CDH23: variants seen among roughly 807,000 people sequenced by gnomAD.
CDH23 encodes the protein cadherin-23.
CDH23 carries 189 observed loss-of-function variants against 317.1 expected under a neutral mutation model. The ratio of observed to expected loss-of-function variants is 0.60; its 90% CI spans 0.53 to 0.67. The LOEUF is 0.67. Ranked by LOEUF, CDH23 falls within the 30% of genes least tolerant of loss-of-function variation. The pLI is 0.00. For missense variants in CDH23, 4,401 were observed against 4,592.4 expected (o/e 0.96, Z 1.20); for synonymous variants, 1,839 against 1,876.8 (o/e 0.98, Z 0.52).
chr10:71,655,908 G>T (rs1399248888), intron 14 of CDH23, among the ~76,000 whole-genome samples: 2 of 152,116 alleles, frequency 1.3e-5, no homozygotes, highest in African/African-American at 4.8e-5. Flanking sequence ...TTCACTCTCT[G>T]TGCCAGGCTC....
chr10:71,695,583 C>T (rs1383258834), intron 22 of CDH23, 58 bp downstream of exon 22: 2 of 1,226,372 alleles, frequency 1.6e-6, no homozygotes, highest in African/African-American at 2.9e-5. Flanking sequence ...GTCTGTGCCC[C>T]TCCCACTGCG....
chr10:71,734,609 C>A (rs373686996), intron 33 of CDH23, 47 bp from the exon 34 acceptor site: 2 of 1,575,808 alleles, frequency 1.3e-6, no homozygotes, highest in Non-Finnish European at 1.7e-6. Context: ...CCATTTGCAT[C>A]TTTGCCTTTT....
rs1290661882 is a variant in CDH23 at position 71,697,014 on chromosome 10, T to G, written c.2397+1489T>G. 3.9e-5 allele frequency among the ~76,000 whole-genome samples: 6 copies of G among 152,138 alleles called. No homozygotes were observed. In the East Asian group the frequency reaches 1.2e-3, roughly 29 times the overall value. ...CTTCTGGTCAACCCTCACCTTTCCC[T>G]TAGGTTTTTGGGAAATTCCTCCCAA... is the stretch of plus-strand genomic sequence containing the variant. On this transcript the variant is annotated intron_variant, in intron 22 of 69. Transcript: ENST00000224721.
chr10:71,644,815 G>A (rs1310806806), intron 12 of CDH23, among the ~76,000 whole-genome samples: 1 of 152,230 alleles, frequency 6.6e-6, no homozygotes, highest in Non-Finnish European at 1.5e-5. Flanking sequence ...CAAGGTCAGT[G>A]ACCTACTGGG....
At chr10:71,759,823 A>ACG (rs1229505884) in intron 38 of CDH23, among the ~76,000 whole-genome samples, 1 of 57,988 alleles carries the variant, frequency 1.7e-5, no homozygotes, top group African/African-American at 4.9e-5. Flanking sequence ...GAAAATATAC[A>ACG]CACACACACA....
chr10:71,451,001 C>T (rs1182717812), intron 3 of CDH23, among the ~76,000 whole-genome samples: 2 of 152,184 alleles, frequency 1.3e-5, no homozygotes, highest in Non-Finnish European at 2.9e-5. Flanking sequence ...TGACCTCCCC[C>T]AGATTCCTGC....
At chr10:71,809,707 G>A (rs2132995283) in intron 60 of CDH23, 113 bp from the exon 61 acceptor site, 1 of 1,445,856 alleles carries the variant, frequency 6.9e-7, no homozygotes, top group Non-Finnish European at 9.3e-7. Context: ...TGCCCTGTGG[G>A]CATTTGTGCC....
intron 44 of CDH23, among the ~76,000 whole-genome samples, chr10:71,787,646 C>T (rs566412350): frequency 2.0e-5 from 3 of 152,144 alleles, no homozygotes; most frequent in Non-Finnish European, 4.4e-5. Flanking sequence ...CAATATTTGA[C>T]TTTCTATTTC....
At position 71,798,489 on chromosome 10, in the gene CDH23, A is replaced by G. The variant is rs1224073597; in HGVS notation, c.6965A>G (p.Asp2322Gly). The G allele has an allele frequency of 6.2e-7, 1 of 1,613,840 alleles. No individual in the cohort carries two copies. The change falls in exon 50 of 70, where the codon GAC becomes GGC. Residue 2322 changes from aspartate (D) to glycine (G), a missense_variant. Physicochemically the swap from Asp to Gly is moderately conservative, Grantham distance 94. This residue lies in a region of CDH23 where 3,068 missense variants were observed against 3,203.3 expected (regional missense o/e 0.96). Transcript: ENST00000224721. ...GTTLIAVAAVDPDKGLNGLVT... is the reference protein window; with the variant it reads ...GTTLIAVAAVGPDKGLNGLVT... The stretch of plus-strand genomic sequence containing the variant: ...ACACTCATTGCTGTGGCAGCCGTGG[A>G]CCCTGACAAGGGCCTTAATGGGCTG...
intron 19 of CDH23, among the ~76,000 whole-genome samples, chr10:71,689,064 AGGGGTGGTGG>A (rs1865064313): frequency 7.6e-5 from 10 of 131,658 alleles, no homozygotes; most frequent in South Asian, 2.4e-4. Flanking sequence ...TGGTGGAGCC[AGGGGTGGTGG>A]AGCCAGGGGT....
chr10:71,623,173 G>A (rs559244030), intron 11 of CDH23, among the ~76,000 whole-genome samples: 2 of 152,318 alleles, frequency 1.3e-5, no homozygotes, highest in South Asian at 2.1e-4. Context: ...AACAGGGTGA[G>A]TGAGTGACAG....
In CDH23 at chr10:71,815,162, G is replaced by A. The variant is rs187297872; in HGVS notation, c.9949G>A (p.Ala3317Thr). The A allele has an allele frequency of 1.4e-5, 23 of 1,611,178 alleles. No homozygotes were observed. The highest frequency in any genetic ancestry group is 9.3e-5 in the African/African-American group (7 of 75,024). Residue 3317 changes from alanine to threonine, a missense_variant, in exon 70 of 70, where the codon GCT becomes ACT. Physicochemically the swap from Ala to Thr is moderately conservative, Grantham distance 58 (BLOSUM62 0). Coordinates refer to ENST00000224721, the MANE Select transcript of CDH23 (RefSeq NM_022124.6). ...GLGRSLETLTAAEATAFERNA... is the reference protein window; with the variant it reads ...GLGRSLETLTTAEATAFERNA... ...GGGCCGCTCGCTGGAGACGCTGACC[G>A]CTGCCGAGGCCACTGCCTTCGAGCG...
At chr10:71,645,543 G>A (rs978916852) in intron 12 of CDH23, 40 of 580,870 alleles carry the variant, frequency 6.9e-5, no homozygotes, top group Non-Finnish European at 1.0e-4. Context: ...GAGAAAGGGA[G>A]CAGGAAATGG....
At chr10:71,802,550 T>C (rs1354417237) in intron 53 of CDH23, among the ~76,000 whole-genome samples, 9 of 152,172 alleles carry the variant, frequency 5.9e-5, no homozygotes, top group Admixed American at 5.2e-4. Context: ...GCCAGATTTA[T>C]AGGGCCCTGT....
intron 6 of CDH23, among the ~76,000 whole-genome samples, chr10:71,536,142 G>GCAT (rs1281712360): frequency 2.0e-5 from 3 of 152,266 alleles, no homozygotes; most frequent in Admixed American, 2.0e-4. Flanking sequence ...ATAGAAGTGA[G>GCAT]CATGGTGTCA....
intron 9 of CDH23, among the ~76,000 whole-genome samples, chr10:71,601,968 G>T (rs951565753): frequency 4.0e-5 from 6 of 151,218 alleles, no homozygotes; most frequent in East Asian, 2.0e-4. Context: ...CGGAGGGGGG[G>T]GGGCTCTGCA....
chr10:71,514,750 C>T (rs1854184873), intron 6 of CDH23, among the ~76,000 whole-genome samples: 1 of 151,644 alleles, frequency 6.6e-6, no homozygotes, highest in Non-Finnish European at 1.5e-5. Context: ...TAGATGCTTT[C>T]AAGTCCATAA....
intron 6 of CDH23, among the ~76,000 whole-genome samples, chr10:71,561,228 C>G (rs1195222915): frequency 2.0e-5 from 3 of 152,048 alleles, no homozygotes; most frequent in Admixed American, 2.0e-4. Flanking sequence ...CGTTTTCACT[C>G]TGGCCCTCAG....
At chr10:71,695,202 C>G (rs1865335972) in intron 21 of CDH23, among the ~76,000 whole-genome samples, 3 of 152,234 alleles carry the variant, frequency 2.0e-5, no homozygotes, top group African/African-American at 7.2e-5. Context: ...TCCACTGCCT[C>G]CTGATGGGAC....
Sources: gnomAD v4.1 joint callset for allele counts (sites outside exome capture counted in the v4.1 genomes callset) on GRCh38, gnomAD v4.1.1 for gene constraint, gnomAD v4.1.1 regional missense constraint, MANE v1.5 for transcripts, NCBI Gene and HGNC (gene_info 2026-07-23, HGNC 2026-07-21) for gene names.